CCDC171: variants seen among roughly 807,000 people sequenced by gnomAD.
CCDC171 encodes the protein coiled-coil domain-containing protein 171.
Under a neutral mutation model 168.2 loss-of-function variants are expected in CCDC171, and 177 were observed. The observed-to-expected ratio is 1.05, with a 90% CI of 0.93 to 1.19. The LOEUF (loss-of-function observed/expected upper bound fraction) is 1.19, where lower values mean the gene tolerates loss of function less well. Among genes scored for constraint, CCDC171 ranks in the 50% most tolerant of loss-of-function variants. CCDC171 has a pLI of 0.00. For missense variants in CCDC171, 1,991 were observed against 1,539.0 expected (o/e 1.29, Z -4.91); for synonymous variants, 687 against 540.8 (o/e 1.27, Z -3.75).
chr9:15,611,016 G>A (rs569072462), intron 6 of CCDC171, among the ~76,000 whole-genome samples: 1 of 152,048 alleles, frequency 6.6e-6, no homozygotes, highest in East Asian at 1.9e-4. Context: ...GAGATCATGG[G>A]GGCAGATTTC....
intron 21 of CCDC171, among the ~76,000 whole-genome samples, chr9:15,801,162 T>A (rs114424175): frequency 0.018 from 2,745 of 152,072 alleles, 99 homozygotes; most frequent in African/African-American, 0.062. Context: ...GTTATTGGTA[T>A]TTTTATAGGG....
intron 24 of CCDC171, among the ~76,000 whole-genome samples, chr9:15,905,936 A>G (rs1822523478): frequency 6.6e-6 from 1 of 152,226 alleles, no homozygotes; most frequent in African/African-American, 2.4e-5. Context: ...AAATGGATGA[A>G]TTCCTGGACA....
intron 10 of CCDC171, among the ~76,000 whole-genome samples, chr9:15,685,534 C>T (rs1022520417): frequency 6.6e-6 from 1 of 151,956 alleles, no homozygotes; most frequent in Non-Finnish European, 1.5e-5. Flanking sequence ...ACTTGGGAGG[C>T]TGAGATGGGA....
chr9:15,693,068 C>T (rs866673884), intron 10 of CCDC171, among the ~76,000 whole-genome samples: 3 of 151,770 alleles, frequency 2.0e-5, no homozygotes, highest in African/African-American at 2.4e-5. Context: ...ACCTGGGAGG[C>T]GGAGGTTGCA....
intron 25 of CCDC171, among the ~76,000 whole-genome samples, chr9:15,937,883 T>C (rs769907785): frequency 6.6e-6 from 1 of 151,970 alleles, no homozygotes; most frequent in Non-Finnish European, 1.5e-5. Flanking sequence ...AGGAAGCTTT[T>C]GTCCAAGTTA....
At chr9:15,954,669 A>ATTTT (rs34479869) in intron 25 of CCDC171, among the ~76,000 whole-genome samples, 166 of 146,550 alleles carry the variant, frequency 1.1e-3, no homozygotes, top group East Asian at 6.3e-3. Context: ...ATGCTTGTTG[A>ATTTT]TTTTTTTTTT....
chr9:15,784,821 A>G (rs1304454900), intron 21 of CCDC171, 127 bp downstream of exon 21: 4 of 666,166 alleles, frequency 6.0e-6, no homozygotes, highest in Non-Finnish European at 9.5e-6. Flanking sequence ...TGAGGATAGA[A>G]TGAAACATGT....
At chr9:15,689,278 C>T (rs2050622002) in intron 10 of CCDC171, among the ~76,000 whole-genome samples, 1 of 152,126 alleles carries the variant, frequency 6.6e-6, no homozygotes, top group African/African-American at 2.4e-5. Flanking sequence ...TTAGTACTCC[C>T]CAGATTGATG....
chr9:15,909,916 A>G (rs1823359607), intron 24 of CCDC171, among the ~76,000 whole-genome samples: 1 of 152,062 alleles, frequency 6.6e-6, no homozygotes, highest in African/African-American at 2.4e-5. Context: ...CTCTTTTAGT[A>G]TATCCATTAT....
chr9:15,764,194 C>T (rs922993741), intron 18 of CCDC171, among the ~76,000 whole-genome samples: 1 of 152,206 alleles, frequency 6.6e-6, no homozygotes, highest in South Asian at 2.1e-4. Context: ...CCTGCACCCA[C>T]ATTATGCAAA....
intron 24 of CCDC171, among the ~76,000 whole-genome samples, chr9:15,901,869 TATTTTAC>T (rs1821714921): frequency 6.6e-6 from 1 of 152,208 alleles, no homozygotes. Flanking sequence ...TATATTAAAT[TATTTTAC>T]ATAGTACAGT....
At chr9:15,864,903 A>C (rs1006401766) in intron 23 of CCDC171, among the ~76,000 whole-genome samples, 1 of 152,070 alleles carries the variant, frequency 6.6e-6, no homozygotes, top group Non-Finnish European at 1.5e-5. Flanking sequence ...TGCATTCTTG[A>C]GGCTTTTGAG....
chr9:16,101,825 T>G, the CCDC171 span, among the ~76,000 whole-genome samples: 1 of 152,190 alleles, frequency 6.6e-6, no homozygotes, highest in Non-Finnish European at 1.5e-5. Flanking sequence ...TGCAATGAAC[T>G]GGGTTCTGCC....
chr9:15,620,207 A>G (rs1015599645), intron 6 of CCDC171, among the ~76,000 whole-genome samples: 1 of 152,306 alleles, frequency 6.6e-6, no homozygotes. Flanking sequence ...TAAGAAATAC[A>G]TTTCATAAGG....
chr9:15,703,253 G>T (rs373383051), intron 11 of CCDC171, among the ~76,000 whole-genome samples: 1 of 152,174 alleles, frequency 6.6e-6, no homozygotes, highest in South Asian at 2.1e-4. Flanking sequence ...GTTGTGGCTG[G>T]TTTGATCTGC....
At chr9:15,946,615 A>C (rs1828422817) in intron 25 of CCDC171, among the ~76,000 whole-genome samples, 1 of 152,040 alleles carries the variant, frequency 6.6e-6, no homozygotes, top group South Asian at 2.1e-4. Flanking sequence ...TTCTACATTC[A>C]ATGCCATCCC....
intron 7 of CCDC171, among the ~76,000 whole-genome samples, chr9:15,644,407 G>A (rs530760370): frequency 1.3e-5 from 2 of 152,112 alleles, no homozygotes; most frequent in Admixed American, 6.5e-5. Flanking sequence ...AGGACAGTGG[G>A]TGCAGCCCAG....
the CCDC171 span, among the ~76,000 whole-genome samples, chr9:16,097,125 A>T: frequency 6.6e-6 from 1 of 152,236 alleles, no homozygotes; most frequent in Non-Finnish European, 1.5e-5. Context: ...GAAGAAGCTG[A>T]AACCCAACCC....
intron 25 of CCDC171, among the ~76,000 whole-genome samples, chr9:15,922,787 G>A (rs1436584445): frequency 1.3e-5 from 2 of 151,568 alleles, no homozygotes; most frequent in African/African-American, 2.4e-5. Context: ...ATATCTCATT[G>A]TGGTTTTCAT....
Sources: allele counts gnomAD v4.1 joint callset (sites outside exome capture counted in the v4.1 genomes callset), GRCh38; gene constraint gnomAD v4.1.1; transcripts MANE v1.5; gene names NCBI Gene and HGNC (gene_info 2026-07-23, HGNC 2026-07-21).